Variants in FAM184A observed in about 807,000 individuals in gnomAD.
FAM184A encodes family with sequence similarity 184 member A, also known as protein FAM184A.
A neutral mutation model predicts 143.8 loss-of-function variants in FAM184A; 99 were observed. The ratio of observed to expected loss-of-function variants is 0.69; its 90% CI spans 0.58 to 0.81. The LOEUF (loss-of-function observed/expected upper bound fraction) is 0.81, where lower values mean the gene tolerates loss of function less well. FAM184A is among the 40% of genes least tolerant of loss of function. FAM184A has a pLI of 0.00. For synonymous variants in FAM184A, 427 were observed against 446.4 expected (o/e 0.96, Z 0.55); for missense variants, 1,217 against 1,310.5 (o/e 0.93, Z 1.10).
chr6:119,082,505 T>A (rs141850785), upstream of FAM184A, among the ~76,000 whole-genome samples: 21 of 152,310 alleles, frequency 1.4e-4, no homozygotes, highest in East Asian at 4.0e-3. Flanking sequence ...CAAGATACAA[T>A]GGGGGTTCAG....
intron 17 of FAM184A, among the ~76,000 whole-genome samples, chr6:118,961,073 AC>A (rs1021986967): frequency 3.9e-5 from 6 of 152,122 alleles, no homozygotes; most frequent in African/African-American, 1.4e-4. Flanking sequence ...AAGAAAAAAA[AC>A]ATAAAGCAGC....
chr6:119,022,848 G>A (rs908334096), intron 3 of FAM184A, 97 bp downstream of exon 3: 38 of 1,469,130 alleles, frequency 2.6e-5, no homozygotes, highest in African/African-American at 2.5e-4. Context: ...CTGCACTCCC[G>A]TCTGGGCGAC....
At position 119,106,160 on chromosome 6, in the gene FAM184A, A is replaced by T. The variant is rs374081821; in HGVS notation, c.-202+42918T>A. Among the ~76,000 whole-genome samples, 1,157 of 152,276 alleles carry T rather than the reference A, an allele frequency of 7.6e-3. 16 individuals carry two copies. Among genetic ancestry groups the T allele is most frequent in the African/African-American group, 0.027 (1,107 of 41,556 alleles). On this transcript the variant is annotated intron_variant, in intron 1 of 16. Coordinates refer to the FAM184A transcript ENST00000352896. ...GTAATCCCAGCATTTTGGGAGGCCG[A>T]GGCGGGCGGATCACAAGGTCAGGAG...
chr6:119,070,655 T>A (rs937695742), intron 1 of FAM184A, among the ~76,000 whole-genome samples: 2 of 152,180 alleles, frequency 1.3e-5, no homozygotes, highest in African/African-American at 4.8e-5. Context: ...TCAATGTTGC[T>A]GTTTTTATTT....
chr6:118,977,135 C>T (rs1258876633), intron 11 of FAM184A, among the ~76,000 whole-genome samples: 3 of 152,140 alleles, frequency 2.0e-5, no homozygotes, highest in Non-Finnish European at 4.4e-5. Context: ...GAACTAAAAG[C>T]TCAGGTGATC....
chr6:119,137,310 TAGAGAGAGAC>T (rs1562165138), intron 1 of FAM184A, among the ~76,000 whole-genome samples: 1 of 127,130 alleles, frequency 7.9e-6, no homozygotes, highest in African/African-American at 2.5e-5. Flanking sequence ...GCACGCCAGA[TAGAGAGAGAC>T]AGAGAGAGAG....
intron 1 of FAM184A, among the ~76,000 whole-genome samples, chr6:119,132,983 T>C (rs1789575080): frequency 6.6e-6 from 1 of 152,202 alleles, no homozygotes; most frequent in Admixed American, 6.5e-5. Flanking sequence ...CGAAATCAGA[T>C]AGGATTTGTT....
chr6:118,968,866 A>G (rs1424301359), intron 14 of FAM184A, among the ~76,000 whole-genome samples: 1 of 152,110 alleles, frequency 6.6e-6, no homozygotes, highest in Non-Finnish European at 1.5e-5. Context: ...TCCAAATTGC[A>G]GTGTTTTTAT....
intron 6 of FAM184A, among the ~76,000 whole-genome samples, chr6:119,010,235 G>T (rs1037232095): frequency 1.3e-5 from 2 of 152,142 alleles, no homozygotes; most frequent in African/African-American, 2.4e-5. Flanking sequence ...TATCTGCTTA[G>T]GTTAAATACA....
At chr6:119,092,337 A>G (rs1334583542) in intron 1 of FAM184A, among the ~76,000 whole-genome samples, 1 of 152,046 alleles carries the variant, frequency 6.6e-6, no homozygotes, top group Non-Finnish European at 1.5e-5. Context: ...GGGTCTTGCC[A>G]TGTTGCCCAG....
intron 1 of FAM184A, among the ~76,000 whole-genome samples, chr6:119,098,584 G>T (rs778470409): frequency 7.2e-5 from 11 of 152,180 alleles, no homozygotes; most frequent in Non-Finnish European, 1.3e-4. Context: ...TGGGTCATAG[G>T]TAGATTCAAA....
intron 9 of FAM184A, among the ~76,000 whole-genome samples, chr6:118,981,550 G>A (rs1784024011): frequency 6.6e-6 from 1 of 152,132 alleles, no homozygotes; most frequent in Admixed American, 6.5e-5. Context: ...ACAAAGAAAG[G>A]TACCTGGGAA....
At chr6:118,966,385 G>A (rs892529297) in intron 15 of FAM184A, among the ~76,000 whole-genome samples, 13 of 152,026 alleles carry the variant, frequency 8.6e-5, no homozygotes, top group South Asian at 2.1e-4. Flanking sequence ...TTTTTCTATA[G>A]AGTAAAAATT....
intron 1 of FAM184A, chr6:119,025,347 C>T (rs988525132): frequency 1.4e-5 from 6 of 439,816 alleles, no homozygotes; most frequent in Non-Finnish European, 2.6e-5. Flanking sequence ...CTTTCCTTTC[C>T]CAATTCCCCT....
At chr6:119,032,115 T>C (rs1785893512) in intron 1 of FAM184A, among the ~76,000 whole-genome samples, 1 of 151,892 alleles carries the variant, frequency 6.6e-6, no homozygotes, top group Non-Finnish European at 1.5e-5. Flanking sequence ...TTACTAAAAA[T>C]ACAAAAATTA....
upstream of FAM184A, among the ~76,000 whole-genome samples, chr6:119,079,378 G>A (rs1442731343): frequency 6.6e-6 from 1 of 152,156 alleles, no homozygotes; most frequent in Admixed American, 6.5e-5. Context: ...AATAGGATCG[G>A]AGTGAAAGTA....
At chr6:119,106,824 A>G (rs1426964348) in intron 1 of FAM184A, among the ~76,000 whole-genome samples, 3 of 152,254 alleles carry the variant, frequency 2.0e-5, no homozygotes, top group African/African-American at 7.2e-5. Context: ...TTCACACTAC[A>G]AAAAGTTCTT....
At chr6:119,011,594 G>A (rs191670673) in intron 5 of FAM184A, among the ~76,000 whole-genome samples, 163 bp from the exon 6 acceptor site, 51 of 152,170 alleles carry the variant, frequency 3.4e-4, no homozygotes, top group African/African-American at 1.1e-3. Flanking sequence ...ACCCATAGTG[G>A]CTTAGATTCT....
chr6:119,023,560 C>G lies in FAM184A; in HGVS notation c.1014+399G>C, dbSNP rs969832876. On this transcript the variant is annotated intron_variant, in intron 2 of 17. Transcript: ENST00000338891. ...AATAATTAGCAATATTGTCCGCCCC[C>G]CCCCCCAGGAACAGCGTATTACCTC... is the stretch of plus-strand genomic sequence containing the variant. Among the ~76,000 whole-genome samples, 25 of 119,950 alleles carry G rather than the reference C, an allele frequency of 2.1e-4. 2 individuals are homozygous for G. Among genetic ancestry groups the G allele is most frequent in the Admixed American group, 1.6e-3 (18 of 11,156 alleles). The allele number at this position is 119,950 out of a possible 152,430, so 78.7% of individuals were successfully genotyped here. A position where few individuals can be genotyped will look rare whatever the true frequency, so the allele number is the denominator to read the frequency against.
Sources: allele counts gnomAD v4.1 joint callset (sites outside exome capture counted in the v4.1 genomes callset), GRCh38; gene constraint gnomAD v4.1.1; transcripts MANE v1.5; gene names NCBI Gene and HGNC (gene_info 2026-07-23, HGNC 2026-07-21).